Variants in GLI2 observed in about 807,000 individuals in gnomAD.
The protein encoded by GLI2 is transcription activator GLI2.
GLI2 carries 22 observed loss-of-function variants against 78.9 expected under a neutral mutation model. That is an observed-to-expected ratio of 0.28 (90% confidence interval 0.20 to 0.40). GLI2 has a LOEUF of 0.40. Among genes scored for constraint, GLI2 ranks in the 10% least tolerant of loss-of-function variants. The probability of loss-of-function intolerance (pLI) is 1.00; values close to 1 mark genes in which losing one functional copy is unlikely to be tolerated. For missense variants in GLI2, 2,097 were observed against 2,213.2 expected, an observed-to-expected ratio of 0.95 and a Z score of 1.05; for synonymous variants, 974 against 963.7, an observed-to-expected ratio of 1.01 and a Z score of -0.20.
At chr2:120,767,957 C>T (rs924077274) in intron 1 of GLI2, among the ~76,000 whole-genome samples, 1 of 152,202 alleles carries the variant, frequency 6.6e-6, no homozygotes, top group Non-Finnish European at 1.5e-5. Flanking sequence ...CCACCACTGC[C>T]ACCCTCACCC....
chr2:120,868,019 GC>G (rs922884011), intron 2 of GLI2, among the ~76,000 whole-genome samples: 89 of 152,190 alleles, frequency 5.8e-4, no homozygotes, highest in African/African-American at 2.0e-3. Flanking sequence ...GTTCTTTCCT[GC>G]CCCCCCAGCC....
chr2:120,815,850 T>C (rs1490648536), intron 2 of GLI2, among the ~76,000 whole-genome samples: 4 of 152,128 alleles, frequency 2.6e-5, no homozygotes, highest in African/African-American at 4.8e-5. Flanking sequence ...GTCAGTGGCA[T>C]TGGCGATCTG....
chr2:120,742,143 CTT>C (rs943691867), intron 1 of GLI2, among the ~76,000 whole-genome samples: 2 of 152,234 alleles, frequency 1.3e-5, no homozygotes, highest in Admixed American at 1.3e-4. Context: ...GCGTCTGAAA[CTT>C]TTTCTGTAAG....
chr2:120,780,499 T>C (rs919592148), intron 1 of GLI2, among the ~76,000 whole-genome samples: 1 of 152,200 alleles, frequency 6.6e-6, no homozygotes, highest in African/African-American at 2.4e-5. Context: ...GTGGGAGTTT[T>C]TCCAGCAGCG....
intron 1 of GLI2, among the ~76,000 whole-genome samples, chr2:120,775,846 C>T (rs1391974214): frequency 1.3e-5 from 2 of 152,168 alleles, no homozygotes; most frequent in African/African-American, 4.8e-5. Context: ...TATGCCATGT[C>T]GTACAGGGGC....
chr2:120,972,253 C>T (rs1682221546), intron 8 of GLI2, among the ~76,000 whole-genome samples, 190 bp downstream of exon 8: 1 of 152,250 alleles, frequency 6.6e-6, no homozygotes, highest in Non-Finnish European at 1.5e-5. Context: ...GCACCCTGGA[C>T]ATACTACATT....
intron 5 of GLI2, among the ~76,000 whole-genome samples, chr2:120,964,457 A>T (rs1271018483): frequency 6.6e-6 from 1 of 152,234 alleles, no homozygotes; most frequent in Admixed American, 6.5e-5. Flanking sequence ...GACAGCTGTT[A>T]GCTGAGGGCC....
At chr2:120,936,970 C>T (rs1680228472) in intron 3 of GLI2, among the ~76,000 whole-genome samples, 1 of 152,200 alleles carries the variant, frequency 6.6e-6, no homozygotes, top group African/African-American at 2.4e-5. Flanking sequence ...TCTGTCACTG[C>T]AGCCAGCACT....
At chr2:120,828,861 C>A (rs866272092) in intron 2 of GLI2, among the ~76,000 whole-genome samples, 18 of 125,956 alleles carry the variant, frequency 1.4e-4, no homozygotes, top group South Asian at 2.8e-4. Context: ...CTTCCAACTC[C>A]AAAAAAAAAA....
At chr2:120,908,381 G>A (rs1024574735) in intron 2 of GLI2, among the ~76,000 whole-genome samples, 1 of 152,216 alleles carries the variant, frequency 6.6e-6, no homozygotes, top group Non-Finnish European at 1.5e-5. Flanking sequence ...CCTCTGGTGG[G>A]CAGCTGCATG....
At chr2:120,941,580 G>A (rs527441901) in intron 3 of GLI2, among the ~76,000 whole-genome samples, 8 of 152,326 alleles carry the variant, frequency 5.3e-5, no homozygotes, top group Admixed American at 5.2e-4. Context: ...TGGGGAGGAA[G>A]AGATGCAGGG....
rs1397888063 is a variant in GLI2, at chr2:120,986,503, C to T, written c.2131C>T (p.Arg711Trp). The part of the protein sequence containing the change: ...QLRKHMTTMH[R>W]FEQLKKEKLK... ...GCGCAAACACATGACCACCATGCAC[C>T]GGTTCGAGCAGCTCAAGAAGGAGAA... Residue 711 changes from arginine to tryptophan, a missense_variant, in exon 13 of 14, where the codon CGG (arginine) becomes TGG (tryptophan). This residue lies in a region of GLI2 where 1,290 missense variants were observed against 1,261.7 expected (regional missense o/e 1.02). Transcript: ENST00000361492. The T allele has an allele frequency of 3.4e-5, 55 of 1,614,000 alleles. No homozygotes were observed. The highest frequency in any genetic ancestry group is 4.2e-5 in the Non-Finnish European group (50 of 1,180,050).
At chr2:120,799,663 C>T (rs112633924) in intron 2 of GLI2, among the ~76,000 whole-genome samples, 27 of 152,160 alleles carry the variant, frequency 1.8e-4, no homozygotes, top group African/African-American at 5.6e-4. Context: ...TAATCTGTGT[C>T]GAGAGTGGAT....
Position 120,990,960 on chromosome 2 carries a change from G to C in GLI2, c.*285G>C, listed in dbSNP as rs536145925. 1.9e-5 allele frequency: 8 copies of C among 413,328 alleles called. No individual in the cohort carries two copies. The highest frequency in any genetic ancestry group is 3.5e-5 in the Non-Finnish European group (8 of 231,684). 25.6% of individuals were successfully genotyped at this position (413,328 alleles called of 1,614,324 possible). On this transcript the variant is annotated 3_prime_UTR_variant, in exon 14 of 14. Coordinates refer to ENST00000361492, the MANE Select transcript of GLI2 (RefSeq NM_001374353.1). ...CAGCCTTTGGTGCTTACAGGACCGC[G>C]CTGTTCCGGCTTCTTCACGGCTGAC... is the stretch of plus-strand genomic sequence containing the variant.
intron 2 of GLI2, among the ~76,000 whole-genome samples, chr2:120,922,539 C>T (rs1321085922): frequency 1.3e-5 from 2 of 152,174 alleles, no homozygotes; most frequent in East Asian, 3.9e-4. Flanking sequence ...AGAGTCCCAC[C>T]ACCCTGAGCC....
intron 2 of GLI2, among the ~76,000 whole-genome samples, chr2:120,808,155 G>T (rs1287929210): frequency 6.6e-6 from 1 of 152,180 alleles, no homozygotes; most frequent in Non-Finnish European, 1.5e-5. Flanking sequence ...TTTGGGTTTG[G>T]TATGGAGCCG....
At chr2:120,910,067 C>T (rs541106886) in intron 2 of GLI2, among the ~76,000 whole-genome samples, 112 of 152,290 alleles carry the variant, frequency 7.4e-4, no homozygotes, top group African/African-American at 2.6e-3. Flanking sequence ...CTGTGGGTCC[C>T]ATTTCCCTCT....
rs188530299 is a variant in GLI2 at position 120,879,806 on chromosome 2, G to C, written c.149-47555G>C. Among the ~76,000 whole-genome samples, 41 of 152,306 alleles carry C rather than the reference G, an allele frequency of 2.7e-4. No homozygotes were observed. The East Asian group carries it at 6.8e-3, about 25-fold the overall frequency. ...CTCTGCACGCGCCTGTTCTAATGAG[G>C]AGCTTGTAACCTATGAGAGCCCGTC... On this transcript the variant is annotated intron_variant, in intron 2 of 13. Transcript: ENST00000361492.
chr2:120,925,591 G>A (rs1187300961), intron 2 of GLI2, among the ~76,000 whole-genome samples: 1 of 152,208 alleles, frequency 6.6e-6, no homozygotes, highest in Non-Finnish European at 1.5e-5. Context: ...GATCTTTCCT[G>A]CATGGAATAG....
Sources: allele counts gnomAD v4.1 joint callset (sites outside exome capture counted in the v4.1 genomes callset), GRCh38; gene constraint gnomAD v4.1.1; regional missense constraint gnomAD v4.1.1; transcripts MANE v1.5; gene names NCBI Gene and HGNC (gene_info 2026-07-23, HGNC 2026-07-21).